DCHS1: variants seen among roughly 807,000 people sequenced by gnomAD.
The protein encoded by DCHS1 is protocadherin-16.
A neutral mutation model predicts 213.9 loss-of-function variants in DCHS1; 78 were observed. That is an observed-to-expected ratio of 0.36 (90% CI 0.30 to 0.44). DCHS1 has a LOEUF of 0.44. Ranked by LOEUF, DCHS1 falls within the 20% of genes least tolerant of loss-of-function variation. DCHS1 has a pLI of 1.00. For missense variants in DCHS1, 3,946 were observed against 4,395.9 expected, an observed-to-expected ratio of 0.90 and a Z score of 2.89; for synonymous variants, 1,828 against 1,873.7, an observed-to-expected ratio of 0.98 and a Z score of 0.63.
chr11:6,621,982 G>A lies in DCHS1; in HGVS notation c.9694C>T (p.Pro3232Ser), dbSNP rs761179038. Residue 3232 changes from proline to serine, a missense_variant, in exon 21 of 21, where the codon CCA (proline) becomes TCA (serine). Coordinates refer to ENST00000299441, the MANE Select transcript of DCHS1 (RefSeq NM_003737.4). Reference protein sequence around the residue: ...NTAAARAIFPPASHRSPISHE... With the variant: ...NTAAARAIFPSASHRSPISHE... The stretch of plus-strand genomic sequence containing the variant: ...CTGATGGGGGAGCGGTGAGAAGCTG[G>A]TGGGAAGATGGCCCGGGCTGCAGCT... 6.2e-7 allele frequency: 1 copy of A among 1,613,372 alleles called. No individual in the cohort carries two copies. The highest frequency in any genetic ancestry group is 8.5e-7 in the Non-Finnish European group (1 of 1,179,798).
chr11:6,631,353 G>T lies in DCHS1; in HGVS notation c.3730C>A (p.Pro1244Thr), dbSNP rs762839103. The T allele has an allele frequency of 1.6e-5, 26 of 1,613,964 alleles. No individual in the cohort carries two copies. The highest frequency in any genetic ancestry group is 8.5e-7 in the Non-Finnish European group (1 of 1,179,870). The change falls in exon 8 of 21, where the codon CCA becomes ACA. Residue 1244 changes from proline to threonine, a missense_variant. Pro to Thr is a conservative substitution (Grantham distance 38). Around this residue, in one of 3 missense-constraint regions of DCHS1, gnomAD observed 3,384 missense variants for 3,780.1 expected, o/e 0.90. Transcript: ENST00000299441. ...ATGGTCCCATTCTCCCCCTCATCTG[G>T]ATCCTTCGCCTGCAGAGTCGTCACC... is the stretch of plus-strand genomic sequence containing the variant. Reference protein sequence around the residue: ...TLVTTLQAKDPDEGENGTILY... With the variant: ...TLVTTLQAKDTDEGENGTILY...
Position 6,627,456 on chromosome 11 carries a change from C to T in DCHS1, c.5583G>A (p.Ser1861=), listed in dbSNP as rs769341071. 23 of 1,611,020 alleles carry T rather than the reference C, an allele frequency of 1.4e-5. No homozygotes were observed. The highest frequency in any genetic ancestry group is 7.7e-5 in the South Asian group (7 of 90,574). Residue 1861 remains serine, a synonymous_variant, in exon 14 of 21, where the codon TCG becomes TCA. Transcript: ENST00000299441. This position sits in a 1 kb window ranked among gnomAD's most constrained non-coding sequence, Gnocchi z 5.4. ...HAPAFPVPAY[S]VEVPEDVPAG... ...CAGGCACATCCTCCGGCACCTCCAC[C>T]GAGTAGGCAGGCACAGGAAAGGCTG...
Position 6,626,842 on chromosome 11 carries a change from G to A in DCHS1, c.6197C>T (p.Pro2066Leu). 6.2e-7 allele frequency: 1 copy of A among 1,613,208 alleles called. No homozygotes were observed. The highest frequency in any genetic ancestry group is 8.5e-7 in the Non-Finnish European group (1 of 1,179,862). ...VGLQGEAERG[P>L]RFPRASSEAT... ...CTCACTGCTAGCCCGGGGAAAGCGG[G>A]GTCCACGCTCAGCTTCCCCCTGCAG... The change falls in exon 14 of 21, where the codon CCC (proline) becomes CTC (leucine). Residue 2066 changes from proline to leucine, a missense_variant. By Grantham distance (98) the Pro-to-Leu change is moderately conservative. Coordinates refer to ENST00000299441, the MANE Select transcript of DCHS1 (RefSeq NM_003737.4). The surrounding 1 kb of genome is among the most constrained non-coding windows in gnomAD (Gnocchi z 5.2).
chr11:6,641,765 C>T lies in DCHS1; in HGVS notation c.-120-32G>A. On this transcript the variant is annotated intron_variant, in intron 1 of 20. Coordinates refer to ENST00000299441, the MANE Select transcript of DCHS1 (RefSeq NM_003737.4). This position sits in a 1 kb window ranked among gnomAD's most constrained non-coding sequence, Gnocchi z 7.1. ...GAAAACAGAAGGAAACGGGTCATGA[C>T]AGAGGAGGGATCAGCAGTCCAGATA... 4.2e-6 allele frequency: 6 copies of T among 1,427,782 alleles called. No individual in the cohort carries two copies. Among genetic ancestry groups the T allele is most frequent in the South Asian group, 1.5e-5 (1 of 66,490 alleles). 88.4% of individuals were successfully genotyped at this position (1,427,782 alleles called of 1,614,324 possible). A position where few individuals can be genotyped will look rare whatever the true frequency, so the allele number is the denominator to read the frequency against.
Position 6,639,892 on chromosome 11 carries a change from A to G in DCHS1, c.1722T>C (p.Asn574=), listed in dbSNP as rs1054486087. 2 of 1,613,914 alleles carry G rather than the reference A, an allele frequency of 1.2e-6. No homozygotes were observed. The highest frequency in any genetic ancestry group is 1.7e-4 in the Middle Eastern group (1 of 6,058). Residue 574 remains asparagine (N), a synonymous_variant, in exon 2 of 21, where the codon AAT becomes AAC. Coordinates refer to ENST00000299441, the MANE Select transcript of DCHS1 (RefSeq NM_003737.4). The stretch of plus-strand genomic sequence containing the variant: ...AGAAAGTCCTCTGGAATTGGGGCTC[A>G]TTATCATTCACATCTTGCAGGGCCA... ...VSVALQDVND[N]EPQFQRTFYN...
At position 6,630,346 on chromosome 11, in the gene DCHS1, A is replaced by G. The variant is rs1855881029; in HGVS notation, c.4448T>C (p.Val1483Ala). 2.1e-5 allele frequency: 27 copies of G among 1,311,232 alleles called. No individual in the cohort carries two copies. In the South Asian group the frequency reaches 4.9e-4, roughly 24 times the overall value. The allele number at this position is 1,311,232 out of a possible 1,614,324, so 81.2% of individuals were successfully genotyped here. A position where few individuals can be genotyped will look rare whatever the true frequency, so the allele number is the denominator to read the frequency against. ...GCGCGCGTCCAGGCGAAGCGCCGGC[A>G]CGGGCGGCTCCTGGCGCAGCAGGCG... ...RYRLLRQEPP[V>A]PALRLDARTG... The change falls in exon 10 of 21, where the codon GTG becomes GCG. Residue 1483 changes from valine (V) to alanine (A), a missense_variant. This residue lies in a region of DCHS1 where 3,384 missense variants were observed against 3,780.1 expected (regional missense o/e 0.90). Coordinates refer to ENST00000299441, the MANE Select transcript of DCHS1 (RefSeq NM_003737.4).
In DCHS1 at chr11:6,629,901, G is replaced by C; in HGVS notation, c.4806C>G (p.Ser1602=). ...FRLHSSTGAL[S]VVRPLDREQR... Reference sequence around the variant, plus strand: ...GTTCGCGGTCCAACGGCCGCACCACGGACAGCGCTCCTAGGTGAGCGGTAA... The same window carrying C: ...GTTCGCGGTCCAACGGCCGCACCACCGACAGCGCTCCTAGGTGAGCGGTAA... Residue 1602 remains serine, a synonymous_variant, in exon 11 of 21, where the codon TCC becomes TCG. Coordinates refer to ENST00000299441, the MANE Select transcript of DCHS1 (RefSeq NM_003737.4). 1 of 1,612,336 alleles carries C rather than the reference G, an allele frequency of 6.2e-7. No homozygotes were observed. The highest frequency in any genetic ancestry group is 1.7e-5 in the Admixed American group (1 of 60,006).
At chr11:6,639,183 A>T (rs192818008) in intron 2 of DCHS1, among the ~76,000 whole-genome samples, 4 of 151,774 alleles carry the variant, frequency 2.6e-5, no homozygotes, top group Non-Finnish European at 1.5e-5. Context: ...GTGTTCAAGG[A>T]CTTCTGCAAC....
In DCHS1 at chr11:6,632,748, C is replaced by T. The variant is rs1175384981; in HGVS notation, c.2764G>A (p.Asp922Asn). Residue 922 changes from aspartate to asparagine, a missense_variant, in exon 6 of 21, where the codon GAC becomes AAC. This residue lies in a region of DCHS1 where 3,384 missense variants were observed against 3,780.1 expected (regional missense o/e 0.90). Coordinates refer to ENST00000299441, the MANE Select transcript of DCHS1 (RefSeq NM_003737.4). The surrounding 1 kb of genome is among the most constrained non-coding windows in gnomAD (Gnocchi z 5.9). Reference protein sequence around the residue: ...PIYTLRALDPDSGVNSRVTFT... With the variant: ...PIYTLRALDPNSGVNSRVTFT... The stretch of plus-strand genomic sequence containing the variant: ...GTGACTCGACTGTTAACACCTGAGT[C>T]GGGGTCAAGAGCCCGCAGTGTATAG... The T allele has an allele frequency of 3.1e-6, 5 of 1,611,666 alleles. No individual in the cohort carries two copies. Among genetic ancestry groups the T allele is most frequent in the African/African-American group, 2.7e-5 (2 of 75,030 alleles).
Position 6,623,894 on chromosome 11 carries a change from A to G in DCHS1, c.7782T>C (p.Asp2594=). Residue 2594 remains aspartate (D), a synonymous_variant, in exon 21 of 21, where the codon GAT becomes GAC. Coordinates refer to ENST00000299441, the MANE Select transcript of DCHS1 (RefSeq NM_003737.4). The part of the protein sequence containing the change: ...SVVPVTVTVL[D]VNDNPPVFTR... ...TAAAGACAGGTGGGTTGTCATTGAC[A>G]TCTAGTACAGTGACAGTGACTGGCA... The G allele has an allele frequency of 6.2e-7, 1 of 1,610,344 alleles. No homozygotes were observed. The highest frequency in any genetic ancestry group is 1.3e-5 in the African/African-American group (1 of 74,988).
chr11:6,631,802 C>A lies in DCHS1; in HGVS notation c.3489G>T (p.Val1163=), dbSNP rs1855912737. 6.5e-7 allele frequency: 1 copy of A among 1,532,676 alleles called. No individual in the cohort carries two copies. The highest frequency in any genetic ancestry group is 1.3e-5 in the South Asian group (1 of 77,834). The allele number at this position is 1,532,676 out of a possible 1,614,324, so 94.9% of individuals were successfully genotyped here. Residue 1163 remains valine, a synonymous_variant, in exon 7 of 21, where the codon GTG becomes GTT. Transcript: ENST00000299441. The part of the protein sequence containing the change: ...AFRIHPQTGE[V]TTLQTLDREQ... ...CACGGTCCAGGGTTTGGAGTGTGGT[C>A]ACTTCTCCTGGGAGTGCAAGAAGGC...
chr11:6,646,533 C>A (rs966870852), intron 1 of DCHS1, among the ~76,000 whole-genome samples: 1 of 152,196 alleles, frequency 6.6e-6, no homozygotes, highest in Non-Finnish European at 1.5e-5. Context: ...ATCCCTTCCC[C>A]AGATCTGGCC....
intron 19 of DCHS1, 83 bp from the exon 20 acceptor site, chr11:6,624,951 TG>T: frequency 6.4e-7 from 1 of 1,571,582 alleles, no homozygotes; most frequent in Non-Finnish European, 8.7e-7. Context: ...CTTGGTTCCT[TG>T]TGCCCTGCTT....
intron 1 of DCHS1, among the ~76,000 whole-genome samples, chr11:6,646,124 A>C (rs2134653089): frequency 6.6e-6 from 1 of 151,638 alleles, no homozygotes; most frequent in African/African-American, 2.4e-5. Context: ...CCACATACAC[A>C]CACACACCCA....
Position 6,622,417 on chromosome 11 carries a change from C to T in DCHS1, c.9259G>A (p.Asp3087Asn). The change falls in exon 21 of 21, where the codon GAC becomes AAC. Residue 3087 changes from aspartate (D) to asparagine (N), a missense_variant. Around this residue, in one of 3 missense-constraint regions of DCHS1, gnomAD observed 554 missense variants for 590.2 expected, o/e 0.94. Coordinates refer to ENST00000299441, the MANE Select transcript of DCHS1 (RefSeq NM_003737.4). This position sits in a 1 kb window ranked among gnomAD's most constrained non-coding sequence, Gnocchi z 5.4. The part of the protein sequence containing the change: ...SDTSCEPPAP[D>N]TWYKGRKAGL... Reference sequence around the variant, plus strand: ...GCCTTTCGGCCCTTATACCAGGTGTCAGGGGCAGGTGGTTCGCAGGATGTG... The same window carrying T: ...GCCTTTCGGCCCTTATACCAGGTGTTAGGGGCAGGTGGTTCGCAGGATGTG... The T allele has an allele frequency of 1.3e-6, 2 of 1,555,654 alleles. No individual in the cohort carries two copies. The highest frequency in any genetic ancestry group is 1.2e-5 in the South Asian group (1 of 84,094).
Position 6,626,232 on chromosome 11 carries a change from G to A in DCHS1, c.6513C>T (p.Phe2171=). 1 of 1,612,096 alleles carries A rather than the reference G, an allele frequency of 6.2e-7. No homozygotes were observed. Among genetic ancestry groups the A allele is most frequent in the Non-Finnish European group, 8.5e-7 (1 of 1,179,110 alleles). Residue 2171 remains phenylalanine, a synonymous_variant, in exon 16 of 21, where the codon TTC becomes TTT. Coordinates refer to ENST00000299441, the MANE Select transcript of DCHS1 (RefSeq NM_003737.4). The surrounding 1 kb of genome is among the most constrained non-coding windows in gnomAD (Gnocchi z 5.2). ...LQDANDNAPR[F]LRPHYVAFLP... is the part of the protein sequence containing the mutation. ...GGAAGGCCACATAATGGGGCCGCAG[G>A]AAACGGGGAGCATTGTCGTTGGCAT...
rs761128507 is a variant in DCHS1 at position 6,628,791 on chromosome 11, T to C, written c.5201A>G (p.His1734Arg). ...QDRGSPPQLT[H>R]VTVRVAVEDE... Reference sequence around the variant, plus strand: ...CTCCACAGCCACTCGAACAGTGACATGCGTTAACTGAGGAGGTGAGCCCCT... The same window carrying C: ...CTCCACAGCCACTCGAACAGTGACACGCGTTAACTGAGGAGGTGAGCCCCT... The change falls in exon 13 of 21, where the codon CAT becomes CGT. Residue 1734 changes from histidine (H) to arginine (R), a missense_variant. By Grantham distance (29) the His-to-Arg change is conservative (BLOSUM62 0). Around this residue, in one of 3 missense-constraint regions of DCHS1, gnomAD observed 3,384 missense variants for 3,780.1 expected, o/e 0.90. Transcript: ENST00000299441. This position sits in a 1 kb window ranked among gnomAD's most constrained non-coding sequence, Gnocchi z 4.3. The C allele has an allele frequency of 6.2e-7, 1 of 1,613,906 alleles. No individual in the cohort carries two copies. Among genetic ancestry groups the C allele is most frequent in the Admixed American group, 1.7e-5 (1 of 60,008 alleles).
In DCHS1 at chr11:6,641,094, G is replaced by A. The variant is rs775548805; in HGVS notation, c.520C>T (p.Arg174Cys). The A allele has an allele frequency of 2.9e-5, 47 of 1,613,814 alleles. No homozygotes were observed. Among genetic ancestry groups the A allele is most frequent in the Non-Finnish European group, 4.0e-5 (47 of 1,179,904 alleles). The stretch of plus-strand genomic sequence containing the variant: ...AGCGCATAGCCCTGGGTTCCCAGAC[G>A]CCCAGCATCTGCATCACGAGCAGGC... ...LEPARDADAGRLGTQGYALSG... is the reference protein window; with the variant it reads ...LEPARDADAGCLGTQGYALSG... Residue 174 changes from arginine (R) to cysteine (C), a missense_variant, in exon 2 of 21, where the codon CGT (arginine) becomes TGT (cysteine). Around this residue, in one of 3 missense-constraint regions of DCHS1, gnomAD observed 3,384 missense variants for 3,780.1 expected, o/e 0.90. Coordinates refer to ENST00000299441, the MANE Select transcript of DCHS1 (RefSeq NM_003737.4). This position sits in a 1 kb window ranked among gnomAD's most constrained non-coding sequence, Gnocchi z 7.1.
rs756609982 is a variant in DCHS1, at chr11:6,640,847, T to C, written c.767A>G (p.Asn256Ser). 3.0e-5 allele frequency: 49 copies of C among 1,613,892 alleles called. No individual in the cohort carries two copies. The highest frequency in any genetic ancestry group is 6.7e-5 in the East Asian group (3 of 44,890). Reference sequence around the variant, plus strand: ...CACCACAGCATGGTAGCGGCTCTGATTGAAAGCCGGGGCATGGTCATTGAT... The same window carrying C: ...CACCACAGCATGGTAGCGGCTCTGACTGAAAGCCGGGGCATGGTCATTGAT... ...LDINDHAPAF[N>S]QSRYHAVVSE... The change falls in exon 2 of 21, where the codon AAT (asparagine) becomes AGT (serine). Residue 256 changes from asparagine to serine, a missense_variant. Physicochemically the swap from Asn to Ser is conservative, Grantham distance 46 (BLOSUM62 1). Coordinates refer to ENST00000299441, the MANE Select transcript of DCHS1 (RefSeq NM_003737.4). This position sits in a 1 kb window ranked among gnomAD's most constrained non-coding sequence, Gnocchi z 6.5.
Sources: gnomAD v4.1 joint callset for allele counts (sites outside exome capture counted in the v4.1 genomes callset) on GRCh38, gnomAD v4.1.1 for gene constraint, gnomAD v4.1.1 regional missense constraint, Gnocchi (gnomAD v3.1) non-coding constraint, MANE v1.5 for transcripts, NCBI Gene and HGNC (gene_info 2026-07-23, HGNC 2026-07-21) for gene names.